Variants in ADAMTSL3 observed in about 807,000 individuals in gnomAD.
ADAMTSL3 encodes the protein ADAMTS like 3.
ADAMTSL3 carries 128 observed loss-of-function variants against 201.7 expected under a neutral mutation model. The observed-to-expected ratio is 0.63, with a 90% CI of 0.55 to 0.73. The LOEUF (loss-of-function observed/expected upper bound fraction) is 0.73. Ranked by LOEUF, ADAMTSL3 falls within the 30% of genes least tolerant of loss-of-function variation. ADAMTSL3 has a pLI of 0.00. For synonymous variants in ADAMTSL3, 738 were observed against 748.4 expected (o/e 0.99, Z 0.23); for missense variants, 1,990 against 2,119.6 (o/e 0.94, Z 1.20).
At chr15:83,991,383 A>C (rs964069386) in intron 23 of ADAMTSL3, among the ~76,000 whole-genome samples, 169 bp downstream of exon 23, 2 of 152,198 alleles carry the variant, frequency 1.3e-5, no homozygotes, top group Admixed American at 1.3e-4. Flanking sequence ...CTCAAGGGTG[A>C]GGTCATACTG....
At chr15:83,828,101 T>C (rs2064066740) in intron 6 of ADAMTSL3, among the ~76,000 whole-genome samples, 1 of 152,230 alleles carries the variant, frequency 6.6e-6, no homozygotes, top group African/African-American at 2.4e-5. Flanking sequence ...GCATTGAATC[T>C]ATAAATTACC....
At chr15:83,794,292 A>G (rs956483375) in intron 4 of ADAMTSL3, among the ~76,000 whole-genome samples, 2 of 152,132 alleles carry the variant, frequency 1.3e-5, no homozygotes, top group African/African-American at 2.4e-5. Flanking sequence ...CAACTCAGCA[A>G]TTGCACTCCT....
intron 19 of ADAMTSL3, among the ~76,000 whole-genome samples, chr15:83,960,992 C>G (rs997345975): frequency 6.6e-6 from 1 of 152,014 alleles, no homozygotes; most frequent in African/African-American, 2.4e-5. Flanking sequence ...AAAGTTGAGA[C>G]AGATAGGTTC....
chr15:83,676,634 C>T (rs1294682795), intron 2 of ADAMTSL3, among the ~76,000 whole-genome samples: 1 of 152,160 alleles, frequency 6.6e-6, no homozygotes, highest in Non-Finnish European at 1.5e-5. Context: ...GCGGAGATTG[C>T]ACCGCTGCAC....
At chr15:84,025,181 C>T (rs2068279367) in intron 26 of ADAMTSL3, 57 bp from the exon 27 acceptor site, 1 of 1,459,866 alleles carries the variant, frequency 6.8e-7, no homozygotes, top group Non-Finnish European at 9.2e-7. Flanking sequence ...GATGAGACGC[C>T]CCCTCTAAGA....
chr15:83,865,344 G>A (rs1180676795), intron 8 of ADAMTSL3, among the ~76,000 whole-genome samples: 8 of 152,060 alleles, frequency 5.3e-5, no homozygotes, highest in African/African-American at 1.7e-4. Flanking sequence ...GGGGCATCAC[G>A]CTACCTGACT....
intron 2 of ADAMTSL3, among the ~76,000 whole-genome samples, chr15:83,667,517 G>GTTTTT (rs35255014): frequency 4.2e-5 from 5 of 120,350 alleles, no homozygotes; most frequent in African/African-American, 9.4e-5. Flanking sequence ...AATTATGAAG[G>GTTTTT]TTTTTTTTTT....
At chr15:83,674,407 G>A (rs2061366251) in intron 2 of ADAMTSL3, among the ~76,000 whole-genome samples, 1 of 151,686 alleles carries the variant, frequency 6.6e-6, no homozygotes, top group Non-Finnish European at 1.5e-5. Flanking sequence ...TTGCTCCTTT[G>A]TCAAAAATTA....
At chr15:83,956,423 TG>T (rs2066862834) in intron 19 of ADAMTSL3, among the ~76,000 whole-genome samples, 2 of 152,348 alleles carry the variant, frequency 1.3e-5, no homozygotes, top group South Asian at 4.1e-4. Flanking sequence ...GGTGCTTTTT[TG>T]TTCACAGATA....
intron 4 of ADAMTSL3, among the ~76,000 whole-genome samples, chr15:83,777,243 C>A (rs944779724): frequency 1.3e-5 from 2 of 152,190 alleles, no homozygotes; most frequent in South Asian, 2.1e-4. Flanking sequence ...AGAGGCAGGA[C>A]CCCCGGCACC....
intron 7 of ADAMTSL3, among the ~76,000 whole-genome samples, chr15:83,857,805 C>G (rs997123729): frequency 3.9e-5 from 6 of 152,024 alleles, no homozygotes; most frequent in Non-Finnish European, 7.4e-5. Flanking sequence ...GAGAGTTTAT[C>G]CAAAAAAAAT....
At chr15:83,731,922 C>A (rs1294343501) in intron 3 of ADAMTSL3, among the ~76,000 whole-genome samples, 1 of 151,644 alleles carries the variant, frequency 6.6e-6, no homozygotes, top group Non-Finnish European at 1.5e-5. Flanking sequence ...GTTACCAGGG[C>A]CTGGAATGGA....
chr15:83,658,859 G>GC (rs980669448), intron 2 of ADAMTSL3, among the ~76,000 whole-genome samples: 96 of 152,058 alleles, frequency 6.3e-4, no homozygotes, highest in African/African-American at 1.8e-3. Flanking sequence ...ATTACAACGT[G>GC]CCCCCCCTTT....
intron 1 of ADAMTSL3, among the ~76,000 whole-genome samples, chr15:83,655,018 C>G (rs957104279): frequency 6.6e-6 from 1 of 152,182 alleles, no homozygotes; most frequent in Non-Finnish European, 1.5e-5. Flanking sequence ...TTTCCAGTCT[C>G]GACTCATACT....
intron 3 of ADAMTSL3, among the ~76,000 whole-genome samples, chr15:83,727,738 T>C (rs1255986811): frequency 6.6e-6 from 1 of 152,074 alleles, no homozygotes; most frequent in Non-Finnish European, 1.5e-5. Flanking sequence ...ATACTTGATA[T>C]GATTTCAATT....
chr15:83,997,073 T>A (rs929022445), intron 23 of ADAMTSL3, among the ~76,000 whole-genome samples: 12 of 152,136 alleles, frequency 7.9e-5, no homozygotes, highest in Admixed American at 3.9e-4. Flanking sequence ...TTTTGTAAAA[T>A]CTGATCAAGT....
intron 3 of ADAMTSL3, among the ~76,000 whole-genome samples, chr15:83,756,219 A>G (rs2062717453): frequency 6.6e-6 from 1 of 152,108 alleles, no homozygotes; most frequent in Non-Finnish European, 1.5e-5. Context: ...ATTTCTTCAC[A>G]TCCTCACTGT....
chr15:83,722,867 G>A (rs2062120159), intron 3 of ADAMTSL3, among the ~76,000 whole-genome samples: 1 of 151,906 alleles, frequency 6.6e-6, no homozygotes, highest in African/African-American at 2.4e-5. Flanking sequence ...ATTCCAGATG[G>A]ATTGAAGAGT....
chr15:83,863,772 A>C (rs1487384791), intron 8 of ADAMTSL3, among the ~76,000 whole-genome samples: 1 of 152,218 alleles, frequency 6.6e-6, no homozygotes, highest in Non-Finnish European at 1.5e-5. Flanking sequence ...ATCAGAGCAG[A>C]ACTGAAGGAA....
Sources: gnomAD v4.1 joint callset for allele counts (sites outside exome capture counted in the v4.1 genomes callset) on GRCh38, gnomAD v4.1.1 for gene constraint, MANE v1.5 for transcripts, NCBI Gene and HGNC (gene_info 2026-07-23, HGNC 2026-07-21) for gene names.